Variants in FCGRT observed in about 807,000 individuals in gnomAD.
FCGRT encodes IgG receptor FcRn large subunit p51.
Under a neutral mutation model 35.7 loss-of-function variants are expected in FCGRT, and 13 were observed. That is an observed-to-expected ratio of 0.36 (90% CI 0.24 to 0.58). The LOEUF is 0.58. Ranked by LOEUF, FCGRT falls within the 20% of genes least tolerant of loss-of-function variation. The pLI is 0.77. For synonymous variants in FCGRT, 233 were observed against 216.5 expected (o/e 1.08, Z -0.67); for missense variants, 455 against 474.9 (o/e 0.96, Z 0.39).
chr19:49,513,779 C>A, intron 2 of FCGRT, 103 bp from the exon 3 acceptor site: 1 of 497,886 alleles, frequency 2.0e-6, no homozygotes, highest in Non-Finnish European at 2.9e-6. Context: ...CTGAATCTGT[C>A]CCCCTCCCTC....
intron 5 of FCGRT, 54 bp from the exon 6 acceptor site, chr19:49,525,403 G>C (rs1171842389): frequency 7.5e-7 from 1 of 1,336,554 alleles, no homozygotes; most frequent in African/African-American, 1.4e-5. Context: ...TCTGTGTCCT[G>C]ACTGGGTGGG....
In FCGRT at chr19:49,513,937, G is replaced by A; in HGVS notation, c.129G>A (p.Gly43=). 10 of 1,613,740 alleles carry A rather than the reference G, an allele frequency of 6.2e-6. No individual in the cohort carries two copies. Among genetic ancestry groups the A allele is most frequent in the Non-Finnish European group, 8.5e-6 (10 of 1,179,834 alleles). The part of the protein sequence containing the change: ...HLTAVSSPAP[G]TPAFWVSGWL... ...CCGCGGTGTCCTCGCCTGCCCCGGG[G>A]ACTCCTGCCTTCTGGGTGTCCGGCT... The change falls in exon 3 of 7, where the codon GGG becomes GGA. Residue 43 remains glycine, a synonymous_variant. Transcript: ENST00000221466.
chr19:49,513,348 C>CGGGGGGGGGGGGGGGGGGCG, intron 1 of FCGRT, 39 bp from the exon 2 acceptor site: 2 of 987,844 alleles, frequency 2.0e-6, no homozygotes, highest in African/African-American at 1.7e-5. Flanking sequence ...AGGGGCGGGC[C>CGGGGGGGGGGGGGGGGGGCG]GGGGGTCGGG....
intron 4 of FCGRT, among the ~76,000 whole-genome samples, chr19:49,519,234 G>A (rs563859773): frequency 6.6e-6 from 1 of 151,694 alleles, no homozygotes; most frequent in Non-Finnish European, 1.5e-5. Context: ...CTTTCACAAA[G>A]CAAAAGTTTT....
intron 4 of FCGRT, among the ~76,000 whole-genome samples, chr19:49,519,573 T>C (rs2080028324): frequency 6.6e-6 from 1 of 152,198 alleles, no homozygotes; most frequent in Admixed American, 6.6e-5. Flanking sequence ...CATCCTGTGA[T>C]GTTGCTGGAA....
chr19:49,521,788 C>T (rs867837219), intron 4 of FCGRT: 1 of 151,754 alleles, frequency 6.6e-6, no homozygotes, highest in Middle Eastern at 3.4e-3. Context: ...TCCCACCTTA[C>T]CCTTCCTGAA....
chr19:49,522,443 A>T (rs1488622925), intron 4 of FCGRT, among the ~76,000 whole-genome samples: 6 of 140,424 alleles, frequency 4.3e-5, no homozygotes, highest in African/African-American at 1.3e-4. Context: ...TTAATTTTTT[A>T]TTTTTTTTGA....
intron 4 of FCGRT, among the ~76,000 whole-genome samples, chr19:49,519,826 C>CTTTTT (rs57437959): frequency 6.0e-5 from 7 of 116,864 alleles, no homozygotes; most frequent in African/African-American, 1.0e-4. Flanking sequence ...TTGCCTTAAT[C>CTTTTT]TTTTTTTTTT....
intron 4 of FCGRT, among the ~76,000 whole-genome samples, chr19:49,516,578 A>C: frequency 7.3e-6 from 1 of 136,224 alleles, no homozygotes; most frequent in East Asian, 2.2e-4. Context: ...TGTTTTTGAG[A>C]CAGACTCTTG....
chr19:49,523,290 C>G (rs780691138), intron 4 of FCGRT, among the ~76,000 whole-genome samples: 1 of 151,786 alleles, frequency 6.6e-6, no homozygotes, highest in Non-Finnish European at 1.5e-5. Context: ...TTAAATAGGC[C>G]GGGTGTGGTG....
intron 4 of FCGRT, among the ~76,000 whole-genome samples, chr19:49,517,488 C>T (rs1224856168): frequency 6.6e-6 from 1 of 151,364 alleles, no homozygotes; most frequent in Non-Finnish European, 1.5e-5. Context: ...AAGACTCTGT[C>T]TCAAAGAAAG....
Position 49,514,006 on chromosome 19 carries a change from C to T in FCGRT, c.198C>T (p.Gly66=), listed in dbSNP as rs752786243. The part of the protein sequence containing the change: ...QQYLSYNSLR[G]EAEPCGAWVW... Reference sequence around the variant, plus strand: ...ACCTGAGCTACAATAGCCTGCGGGGCGAGGCGGAGCCCTGTGGAGCTTGGG... The same window carrying T: ...ACCTGAGCTACAATAGCCTGCGGGGTGAGGCGGAGCCCTGTGGAGCTTGGG... Residue 66 remains glycine, a synonymous_variant, in exon 3 of 7, where the codon GGC becomes GGT. Transcript: ENST00000221466. 1.2e-6 allele frequency: 2 copies of T among 1,613,202 alleles called. No homozygotes were observed. The highest frequency in any genetic ancestry group is 8.5e-7 in the Non-Finnish European group (1 of 1,179,984).
chr19:49,514,958 C>T (rs1295350785), intron 4 of FCGRT, among the ~76,000 whole-genome samples: 1 of 151,334 alleles, frequency 6.6e-6, no homozygotes, highest in East Asian at 1.9e-4. Context: ...TCCCAAAGTG[C>T]TGGGATTACA....
Position 49,513,433 on chromosome 19 carries a change from G to A in FCGRT, c.33G>A (p.Leu11=). The A allele has an allele frequency of 3.2e-6, 4 of 1,245,480 alleles. No homozygotes were observed. The highest frequency in any genetic ancestry group is 4.0e-6 in the Non-Finnish European group (4 of 988,096). 77.2% of individuals were successfully genotyped at this position (1,245,480 alleles called of 1,614,324 possible). A position where few individuals can be genotyped will look rare whatever the true frequency, so the allele number is the denominator to read the frequency against. The change falls in exon 2 of 7, where the codon CTG becomes CTA. Residue 11 remains leucine (L), a synonymous_variant. Transcript: ENST00000221466. MGVPRPQPWA[L]GLLLFLLPGS... is the part of the protein sequence containing the mutation. ...TCCCGCGGCCTCAGCCCTGGGCGCT[G>A]GGGCTCCTGCTCTTTCTCCTTCCTG...
chr19:49,513,348 CG>C, intron 1 of FCGRT, 38 bp from the exon 2 acceptor site: 10 of 987,758 alleles, frequency 1.0e-5, no homozygotes, highest in Non-Finnish European at 1.2e-5. Context: ...AGGGGCGGGC[CG>C]GGGGTCGGGA....
Position 49,520,041 on chromosome 19 carries a change from C to T in FCGRT, c.602-4466C>T, listed in dbSNP as rs1601193930. ...AGAGATGGGGTTTCACTATGTTGGG[C>T]AGGCTGGTCTTGAACTCCTGACCTT... On this transcript the variant is annotated intron_variant, in intron 4 of 6. Transcript: ENST00000221466. Among the ~76,000 whole-genome samples, 3 of 150,968 alleles carry T rather than the reference C, an allele frequency of 2.0e-5. No individual in the cohort carries two copies. In the East Asian group the frequency reaches 5.8e-4, roughly 29 times the overall value.
At chr19:49,525,919 T>C (rs548907810) in intron 6 of FCGRT, 91 bp from the exon 7 acceptor site, 1 of 816,396 alleles carries the variant, frequency 1.2e-6, no homozygotes, top group East Asian at 2.4e-5. Context: ...TGAGGAAGAG[T>C]GTGTGAGACA....
At chr19:49,513,613 C>T (rs1350445895) in intron 2 of FCGRT, 140 bp downstream of exon 2, 3 of 480,222 alleles carry the variant, frequency 6.2e-6, no homozygotes, top group Non-Finnish European at 1.0e-5. Flanking sequence ...ACTTTCTCAA[C>T]GTCTCCTGCT....
At chr19:49,519,073 ACCT>A (rs2080025522) in intron 4 of FCGRT, among the ~76,000 whole-genome samples, 1 of 130,720 alleles carries the variant, frequency 7.6e-6, no homozygotes, top group African/African-American at 2.9e-5. Flanking sequence ...CGATCTCCTG[ACCT>A]CCTGATCCGC....
Sources: gnomAD v4.1 joint callset for allele counts (sites outside exome capture counted in the v4.1 genomes callset) on GRCh38, gnomAD v4.1.1 for gene constraint, MANE v1.5 for transcripts, NCBI Gene and HGNC (gene_info 2026-07-23, HGNC 2026-07-21) for gene names.